Variants in KIAA1671 observed in about 807,000 individuals in gnomAD.
KIAA1671 encodes the protein KIAA1671, also known as uncharacterized protein KIAA1671.
KIAA1671 carries 52 observed loss-of-function variants against 131.2 expected under a neutral mutation model. The ratio of observed to expected loss-of-function variants is 0.40; its 90% CI spans 0.32 to 0.50. KIAA1671 has a LOEUF of 0.50. KIAA1671 is among the 20% of genes least tolerant of loss of function. KIAA1671 has a pLI of 0.73. For missense variants in KIAA1671, 2,360 were observed against 2,364.2 expected (o/e 1.00, Z 0.04); for synonymous variants, 1,003 against 961.6 (o/e 1.04, Z -0.80).
intron 6 of KIAA1671, chr22:25,057,527 G>GTA (rs1366360801): frequency 1.4e-5 from 2 of 144,494 alleles, no homozygotes; most frequent in Non-Finnish European, 3.1e-5. Flanking sequence ...ACCCAGGAGA[G>GTA]TGAACCTTTT....
rs947403761 is a variant in KIAA1671, at chr22:25,192,903, C to T, written c.*502C>T. 2.6e-5 allele frequency: 4 copies of T among 151,738 alleles called. No individual in the cohort carries two copies. Among genetic ancestry groups the T allele is most frequent in the South Asian group, 2.1e-4 (1 of 4,750 alleles). The allele number at this position is 151,738 out of a possible 1,614,324, so 9.4% of individuals were successfully genotyped here. A position where few individuals can be genotyped will look rare whatever the true frequency, so the allele number is the denominator to read the frequency against. Reference sequence around the variant, plus strand: ...CTGTAGTCTCGGTGCAGGGTATTACCGCTGGGTTGAGGTTTTCTATTCTTT... The same window carrying T: ...CTGTAGTCTCGGTGCAGGGTATTACTGCTGGGTTGAGGTTTTCTATTCTTT... On this transcript the variant is annotated 3_prime_UTR_variant, in exon 13 of 13. Coordinates refer to ENST00000358431, the MANE Select transcript of KIAA1671 (RefSeq NM_001145206.2).
At chr22:24,987,776 A>G (rs1189400452) in intron 1 of KIAA1671, among the ~76,000 whole-genome samples, 2 of 152,348 alleles carry the variant, frequency 1.3e-5, no homozygotes, top group South Asian at 4.1e-4. Flanking sequence ...CTAGTCTGAT[A>G]GACTCCTGCT....
At chr22:25,010,653 C>T (rs1332937267) in intron 1 of KIAA1671, 1 of 152,172 alleles carries the variant, frequency 6.6e-6, no homozygotes, top group Non-Finnish European at 1.5e-5. Context: ...AAAGGAACCA[C>T]AGCCACTGTG....
chr22:25,177,596 A>C, intron 9 of KIAA1671, 74 bp downstream of exon 9: 1 of 1,346,612 alleles, frequency 7.4e-7, no homozygotes, highest in Non-Finnish European at 1.0e-6. Context: ...CCCTATGAAA[A>C]AATTCCTGAC....
intron 5 of KIAA1671, among the ~76,000 whole-genome samples, chr22:25,047,151 CTT>C (rs140590311): frequency 0.35 from 41,971 of 121,628 alleles, 8,173 homozygotes; most frequent in African/African-American, 0.61. Flanking sequence ...TTTTTCTTTT[CTT>C]TTTTTTTTTT....
chr22:25,052,707 A>G lies in KIAA1671; in HGVS notation c.4530+3343A>G, dbSNP rs2145823993. 6 of 151,848 alleles carry G rather than the reference A, an allele frequency of 4.0e-5. 1 individual carries two copies. In the Middle Eastern group the frequency reaches 0.014, roughly 344 times the overall value. 9.4% of individuals were successfully genotyped at this position (151,848 alleles called of 1,614,324 possible). The stretch of plus-strand genomic sequence containing the variant: ...ACACCGAGAAATGGCTTCACAAATC[A>G]TAGCAGCTATTATTATTATTATTAT... On this transcript the variant is annotated intron_variant, in intron 6 of 12. Transcript: ENST00000358431.
At chr22:25,044,836 A>G (rs1046893825) in intron 5 of KIAA1671, among the ~76,000 whole-genome samples, 4 of 152,144 alleles carry the variant, frequency 2.6e-5, no homozygotes, top group Admixed American at 2.6e-4. Flanking sequence ...CATGCTTTTC[A>G]TATTGCAACA....
intron 6 of KIAA1671, among the ~76,000 whole-genome samples, chr22:25,126,011 C>T (rs913272445): frequency 5.3e-5 from 8 of 152,140 alleles, no homozygotes; most frequent in African/African-American, 2.4e-5. Context: ...GGAGTTGTTA[C>T]GAGAGTGACA....
intron 1 of KIAA1671, among the ~76,000 whole-genome samples, chr22:24,999,560 G>A (rs571248276): frequency 1.4e-5 from 2 of 144,808 alleles, no homozygotes; most frequent in South Asian, 4.4e-4. Context: ...TATGTGCTTT[G>A]GTTTTGTTTG....
intron 1 of KIAA1671, among the ~76,000 whole-genome samples, chr22:24,976,790 C>T (rs574018839): frequency 6.6e-6 from 1 of 152,120 alleles, no homozygotes; most frequent in African/African-American, 2.4e-5. Flanking sequence ...GACGCACTGC[C>T]AGGTTGGGGT....
intron 4 of KIAA1671, among the ~76,000 whole-genome samples, chr22:25,036,123 C>T (rs111292372): frequency 0.019 from 2,965 of 152,144 alleles, 103 homozygotes; most frequent in African/African-American, 0.068. Context: ...TCTTGTTGCC[C>T]AGGCTGGAGT....
chr22:25,031,161 G>A (rs1309512662), intron 3 of KIAA1671, among the ~76,000 whole-genome samples: 2 of 151,532 alleles, frequency 1.3e-5, no homozygotes, highest in African/African-American at 2.4e-5. Flanking sequence ...GCAGTAGCTG[G>A]GATTACAGGC....
intron 6 of KIAA1671, among the ~76,000 whole-genome samples, chr22:25,097,024 G>T (rs1930424342): frequency 6.6e-6 from 1 of 152,154 alleles, no homozygotes; most frequent in Non-Finnish European, 1.5e-5. Context: ...TTGTTGACCG[G>T]CATTTGAGTT....
intron 6 of KIAA1671, chr22:25,111,780 C>CA (rs1931368461): frequency 2.0e-5 from 3 of 147,702 alleles, no homozygotes; most frequent in Non-Finnish European, 4.5e-5. Flanking sequence ...CCCCCATCCC[C>CA]ATCCCCCGCC....
At position 25,029,217 on chromosome 22, in the gene KIAA1671, G is replaced by T; in HGVS notation, c.1218G>T (p.Arg406Ser). Reference sequence around the variant, plus strand: ...AGGCTGCTGAGTCCCCCTCACCCAGGCTGGGAAGGGGCCTAGAACTTGCTG... The same window carrying T: ...AGGCTGCTGAGTCCCCCTCACCCAGTCTGGGAAGGGGCCTAGAACTTGCTG... The part of the protein sequence containing the change: ...PEKAAESPSP[R>S]LGRGLELAEV... Residue 406 changes from arginine (R) to serine (S), a missense_variant, in exon 3 of 13, where the codon AGG (arginine) becomes AGT (serine). Arg to Ser is a moderately radical substitution (Grantham distance 110, BLOSUM62 -1). Coordinates refer to ENST00000358431, the MANE Select transcript of KIAA1671 (RefSeq NM_001145206.2). 6.8e-7 allele frequency: 1 copy of T among 1,460,946 alleles called. No homozygotes were observed. Among genetic ancestry groups the T allele is most frequent in the South Asian group, 1.5e-5 (1 of 68,778 alleles). The allele number at this position is 1,460,946 out of a possible 1,614,324, so 90.5% of individuals were successfully genotyped here.
chr22:25,174,718 C>G (rs1454757461), intron 8 of KIAA1671: 4 of 460,320 alleles, frequency 8.7e-6, no homozygotes, highest in African/African-American at 7.9e-5. Flanking sequence ...TCCTTATCCA[C>G]TTGTAACCAG....
At chr22:25,160,595 C>T (rs1933409727) in intron 6 of KIAA1671, among the ~76,000 whole-genome samples, 1 of 152,168 alleles carries the variant, frequency 6.6e-6, no homozygotes, top group African/African-American at 2.4e-5. Flanking sequence ...GCAAGGCCTT[C>T]CTGCCCCACT....
intron 6 of KIAA1671, among the ~76,000 whole-genome samples, chr22:25,073,149 C>T (rs978030419): frequency 3.3e-5 from 5 of 152,154 alleles, no homozygotes; most frequent in Admixed American, 6.5e-5. Flanking sequence ...CTCACTGCAG[C>T]CTTGTCCTCC....
At chr22:25,176,668 G>A (rs1343006500) in intron 8 of KIAA1671, 1 of 152,258 alleles carries the variant, frequency 6.6e-6, no homozygotes, top group East Asian at 1.9e-4. Context: ...TGTCTCCCGG[G>A]AGAATTCTGA....
Sources: allele counts gnomAD v4.1 joint callset (sites outside exome capture counted in the v4.1 genomes callset), GRCh38; gene constraint gnomAD v4.1.1; transcripts MANE v1.5; gene names NCBI Gene and HGNC (gene_info 2026-07-23, HGNC 2026-07-21).